Variants in SPATA31H1 observed in about 807,000 individuals in gnomAD.
SPATA31H1 encodes spermatogenesis-associated protein 31H1.
At chr2:27,540,032 C>T in the SPATA31H1 span, among the ~76,000 whole-genome samples, 10 of 127,322 alleles carry the variant, frequency 7.9e-5, no homozygotes, top group Admixed American at 7.6e-5. Context: ...CCCCCACCTC[C>T]CTCCCGGACG....
At chr2:27,563,385 C>CTTTTTTTTTTTTTTT in the SPATA31H1 span, among the ~76,000 whole-genome samples, 30 of 68,730 alleles carry the variant, frequency 4.4e-4, 8 homozygotes, top group East Asian at 1.8e-3. Flanking sequence ...TCTTCTACTT[C>CTTTTTTTTTTTTTTT]TTTTTTTTTT....
the SPATA31H1 span, chr2:27,568,479 C>A: frequency 2.5e-6 from 1 of 399,022 alleles, no homozygotes; most frequent in South Asian, 1.3e-4. Flanking sequence ...GAAAGGAATT[C>A]CAGTGGCACT....
At chr2:27,577,496 C>T in the SPATA31H1 span, 3 of 1,614,070 alleles carry the variant, frequency 1.9e-6, no homozygotes, top group African/African-American at 4.0e-5. The surrounding 1 kb of genome is among the most constrained non-coding windows in gnomAD (Gnocchi z 4.5). Flanking sequence ...CAGAGAGATC[C>T]CCAAGGCTCT....
At chr2:27,543,565 T>C in the SPATA31H1 span, among the ~76,000 whole-genome samples, 1 of 149,968 alleles carries the variant, frequency 6.7e-6, no homozygotes, top group African/African-American at 2.5e-5. Flanking sequence ...AAAAAAATAG[T>C]CCAGTATCAT....
chr2:27,568,050 G>A, the SPATA31H1 span: 1 of 398,888 alleles, frequency 2.5e-6, no homozygotes, highest in South Asian at 1.3e-4. Flanking sequence ...TATGGAATCA[G>A]AGAGGGTGGC....
the SPATA31H1 span, among the ~76,000 whole-genome samples, chr2:27,564,382 A>G: frequency 2.6e-5 from 4 of 152,092 alleles, no homozygotes; most frequent in Admixed American, 2.6e-4. Flanking sequence ...TGTTAACCCA[A>G]ATCCCTTCTG....
At chr2:27,578,042 G>T in the SPATA31H1 span, 1 of 1,614,080 alleles carries the variant, frequency 6.2e-7, no homozygotes, top group South Asian at 1.1e-5. Flanking sequence ...AATCTGCAAG[G>T]ACACAGCTTC....
At chr2:27,538,505 C>G in the SPATA31H1 span, among the ~76,000 whole-genome samples, 1 of 151,956 alleles carries the variant, frequency 6.6e-6, no homozygotes, top group African/African-American at 2.4e-5. Context: ...TGGGAAGAAG[C>G]GAGGAAACAA....
the SPATA31H1 span, among the ~76,000 whole-genome samples, chr2:27,551,170 G>A: frequency 0.011 from 1,630 of 152,140 alleles, 20 homozygotes; most frequent in Non-Finnish European, 0.015. Flanking sequence ...GATTACAGGT[G>A]TGAGCCACTG....
the SPATA31H1 span, among the ~76,000 whole-genome samples, chr2:27,553,928 AAAAG>A: frequency 8.8e-3 from 1,343 of 152,094 alleles, 29 homozygotes; most frequent in African/African-American, 0.025. Context: ...GTCTCAAAAA[AAAAG>A]AAAAGAAATC....
chr2:27,561,533 T>C, the SPATA31H1 span, among the ~76,000 whole-genome samples: 52 of 152,342 alleles, frequency 3.4e-4, no homozygotes, highest in African/African-American at 1.1e-3. Flanking sequence ...TCTGAAGTTT[T>C]CCTTAAGGAG....
chr2:27,559,641 C>A, the SPATA31H1 span, among the ~76,000 whole-genome samples: 5 of 151,968 alleles, frequency 3.3e-5, no homozygotes, highest in South Asian at 8.3e-4. Flanking sequence ...AAGTTATGAA[C>A]TCTGTTTCTA....
the SPATA31H1 span, among the ~76,000 whole-genome samples, chr2:27,544,843 C>A: frequency 2.0e-5 from 3 of 151,618 alleles, no homozygotes; most frequent in South Asian, 2.1e-4. Flanking sequence ...CCACTTCATC[C>A]GGCCGACAAC....
the SPATA31H1 span, among the ~76,000 whole-genome samples, chr2:27,544,374 G>A: frequency 6.6e-6 from 1 of 151,670 alleles, no homozygotes; most frequent in Non-Finnish European, 1.5e-5. Flanking sequence ...CCTCCTCTCT[G>A]CTCAGACACA....
chr2:27,553,066 T>G, the SPATA31H1 span, among the ~76,000 whole-genome samples: 2 of 152,094 alleles, frequency 1.3e-5, no homozygotes, highest in African/African-American at 4.8e-5. Context: ...CCCACCGGAG[T>G]GAAGGACCTG....
At chr2:27,552,218 C>T in the SPATA31H1 span, among the ~76,000 whole-genome samples, 169 of 152,116 alleles carry the variant, frequency 1.1e-3, 2 homozygotes, top group African/African-American at 4.0e-3. Context: ...TATAGTTTTA[C>T]AGCTCTTACA....
chr2:27,552,448 A>T, the SPATA31H1 span, among the ~76,000 whole-genome samples: 1 of 151,968 alleles, frequency 6.6e-6, no homozygotes, highest in African/African-American at 2.4e-5. Context: ...TCATAGATCT[A>T]TATGTTTATC....
the SPATA31H1 span, among the ~76,000 whole-genome samples, chr2:27,561,186 C>T: frequency 7.2e-5 from 11 of 152,026 alleles, no homozygotes; most frequent in East Asian, 7.7e-4. Context: ...CAAAAATGAC[C>T]GGGGCATGGT....
chr2:27,540,989 C>A, the SPATA31H1 span, among the ~76,000 whole-genome samples: 1 of 136,354 alleles, frequency 7.3e-6, no homozygotes, highest in African/African-American at 2.9e-5. Context: ...GACGGGGTGG[C>A]GGCTGGGCAG....
Sources: gnomAD v4.1 joint callset for allele counts (sites outside exome capture counted in the v4.1 genomes callset) on GRCh38, gnomAD v4.1.1 for gene constraint, Gnocchi (gnomAD v3.1) non-coding constraint, MANE v1.5 for transcripts, NCBI Gene and HGNC (gene_info 2026-07-23, HGNC 2026-07-21) for gene names.